The following OXR1 variants were observed in gnomAD, a reference collection of about 807,000 sequenced individuals.
The protein encoded by OXR1 is oxidation resistance protein 1.
A neutral mutation model predicts 104.6 loss-of-function variants in OXR1; 41 were observed. The ratio of observed to expected loss-of-function variants is 0.39; its 90% CI spans 0.31 to 0.51. The LOEUF is 0.51. Ranked by LOEUF, OXR1 falls within the 20% of genes least tolerant of loss-of-function variation. The pLI is 0.77. For synonymous variants in OXR1, 348 were observed against 348.4 expected, an observed-to-expected ratio of 1.00 and a Z score of 0.01; for missense variants, 955 against 1,031.9, an observed-to-expected ratio of 0.93 and a Z score of 1.02.
At chr8:106,333,875 T>G (rs1224582657) in intron 1 of OXR1, among the ~76,000 whole-genome samples, 1 of 152,158 alleles carries the variant, frequency 6.6e-6, no homozygotes, top group Non-Finnish European at 1.5e-5. Context: ...TTGTAGTAAA[T>G]TTTGAAATCA....
intron 16 of OXR1, among the ~76,000 whole-genome samples, chr8:106,747,003 G>A (rs1835449411): frequency 6.6e-6 from 1 of 152,078 alleles, no homozygotes; most frequent in Admixed American, 6.6e-5. Context: ...AGTAACCACT[G>A]GGTTATTTGA....
intron 2 of OXR1, among the ~76,000 whole-genome samples, chr8:106,414,511 C>A (rs150346458): frequency 3.3e-5 from 5 of 152,280 alleles, no homozygotes; most frequent in Middle Eastern, 3.4e-3. Flanking sequence ...AAAATCAAAT[C>A]TATCTCTCCA....
chr8:106,356,339 G>A (rs1407897548), intron 1 of OXR1, among the ~76,000 whole-genome samples: 2 of 152,108 alleles, frequency 1.3e-5, no homozygotes, highest in Non-Finnish European at 2.9e-5. Flanking sequence ...ATACCCTAAG[G>A]AAAAGGAAGT....
chr8:106,519,403 G>A (rs1281243175), intron 3 of OXR1, among the ~76,000 whole-genome samples: 2 of 152,074 alleles, frequency 1.3e-5, no homozygotes, highest in Admixed American at 6.6e-5. Flanking sequence ...GTACATATAC[G>A]TACACATATA....
chr8:106,513,777 TG>T (rs1812689964), intron 2 of OXR1, among the ~76,000 whole-genome samples: 1 of 152,194 alleles, frequency 6.6e-6, no homozygotes, highest in Admixed American at 6.5e-5. Context: ...GAGCTTCCTG[TG>T]TAGATGCTGT....
intron 2 of OXR1, among the ~76,000 whole-genome samples, chr8:106,499,550 C>G (rs558964041): frequency 2.6e-5 from 4 of 152,222 alleles, no homozygotes; most frequent in South Asian, 4.2e-4. Flanking sequence ...TGATACTTTG[C>G]TTTTACTGTG....
intron 2 of OXR1, among the ~76,000 whole-genome samples, chr8:106,468,206 T>G (rs1053001479): frequency 6.6e-6 from 1 of 151,862 alleles, no homozygotes; most frequent in African/African-American, 2.4e-5. Flanking sequence ...GTCTTCACCC[T>G]CAAGGAGCTT....
chr8:106,340,967 G>A (rs1412039946), intron 1 of OXR1, among the ~76,000 whole-genome samples: 1 of 152,122 alleles, frequency 6.6e-6, no homozygotes, highest in Admixed American at 6.6e-5. Context: ...TATTCATAAT[G>A]TAGACTAGGC....
chr8:106,332,041 T>A (rs1427181556), intron 1 of OXR1, among the ~76,000 whole-genome samples: 5 of 145,080 alleles, frequency 3.4e-5, no homozygotes, highest in East Asian at 2.1e-4. Flanking sequence ...TGTGTGTGTG[T>A]GAATGCCCTT....
rs546455087 is a variant in OXR1, at chr8:106,402,492, A to C, written c.23+42856A>C. On this transcript the variant is annotated intron_variant, in intron 2 of 16. Transcript: ENST00000517566. ...AGGAAAATAACCACAAGATAGGTTC[A>C]GGGACTTACTGGACCCACTGTGAGA... 3.8e-3 allele frequency among the ~76,000 whole-genome samples: 585 copies of C among 152,344 alleles called. 10 individuals carry two copies. The South Asian group carries it at 0.051, about 13-fold the overall frequency.
intron 1 of OXR1, among the ~76,000 whole-genome samples, chr8:106,275,444 G>C (rs996243631): frequency 7.2e-5 from 11 of 152,200 alleles, no homozygotes; most frequent in African/African-American, 2.7e-4. Flanking sequence ...TTTCAAATCA[G>C]TTTTGTTCTA....
At chr8:106,419,613 G>T (rs1274171255) in intron 2 of OXR1, among the ~76,000 whole-genome samples, 1 of 152,122 alleles carries the variant, frequency 6.6e-6, no homozygotes, top group Non-Finnish European at 1.5e-5. Flanking sequence ...GGCAGTTAGA[G>T]CCTACCAAAG....
chr8:106,669,892 T>G (rs1826757578), intron 3 of OXR1, among the ~76,000 whole-genome samples: 1 of 152,166 alleles, frequency 6.6e-6, no homozygotes, highest in African/African-American at 2.4e-5. Flanking sequence ...GCAAGCTAGG[T>G]AATTCAGACT....
chr8:106,518,381 T>C (rs549662655), intron 2 of OXR1, among the ~76,000 whole-genome samples: 3 of 152,284 alleles, frequency 2.0e-5, no homozygotes, highest in East Asian at 3.9e-4. Context: ...CCTGGATAGC[T>C]TTTTGCTTTC....
At chr8:106,445,807 C>T (rs1225448452) in intron 2 of OXR1, among the ~76,000 whole-genome samples, 1 of 152,178 alleles carries the variant, frequency 6.6e-6, no homozygotes, top group Non-Finnish European at 1.5e-5. Flanking sequence ...TCTTCCTACT[C>T]CTCTTCAAGT....
chr8:106,736,029 T>A (rs1446560806), intron 11 of OXR1, among the ~76,000 whole-genome samples: 1 of 152,160 alleles, frequency 6.6e-6, no homozygotes, highest in Non-Finnish European at 1.5e-5. Flanking sequence ...CATTAATATG[T>A]TCTGGGCACT....
chr8:106,333,305 T>A (rs1246232047), intron 1 of OXR1, among the ~76,000 whole-genome samples: 1 of 152,118 alleles, frequency 6.6e-6, no homozygotes, highest in East Asian at 1.9e-4. Context: ...AACATTTTAA[T>A]TTGCAGTTGC....
At chr8:106,280,589 G>A (rs1812240021) in intron 1 of OXR1, among the ~76,000 whole-genome samples, 1 of 152,070 alleles carries the variant, frequency 6.6e-6, no homozygotes, top group Non-Finnish European at 1.5e-5. Flanking sequence ...GGGGGCATAG[G>A]GAGTCAGTGT....
chr8:106,552,676 A>G (rs1380012568), intron 3 of OXR1, among the ~76,000 whole-genome samples: 1 of 152,222 alleles, frequency 6.6e-6, no homozygotes, highest in African/African-American at 2.4e-5. Context: ...CTGAGAGAGG[A>G]TTCAGTAACT....
Sources: gnomAD v4.1 joint callset for allele counts (sites outside exome capture counted in the v4.1 genomes callset) on GRCh38, gnomAD v4.1.1 for gene constraint, MANE v1.5 for transcripts, NCBI Gene and HGNC (gene_info 2026-07-23, HGNC 2026-07-21) for gene names.